RINT1: variants seen among roughly 807,000 people sequenced by gnomAD.
RINT1 encodes the protein RAD50 interactor 1, also known as RAD50-interacting protein 1.
Under a neutral mutation model 97.7 loss-of-function variants are expected in RINT1, and 75 were observed. The observed-to-expected ratio is 0.77, with a 90% CI of 0.64 to 0.93. RINT1 has a LOEUF of 0.93. RINT1 is among the 40% of genes least tolerant of loss of function. The probability of loss-of-function intolerance (pLI) is 0.00; values close to 1 mark genes in which losing one functional copy is unlikely to be tolerated. For synonymous variants in RINT1, 303 were observed against 326.3 expected, an observed-to-expected ratio of 0.93 and a Z score of 0.77; for missense variants, 892 against 925.2, an observed-to-expected ratio of 0.96 and a Z score of 0.47.
chr7:105,547,020 T>C lies in RINT1; in HGVS notation c.626T>C (p.Leu209Pro), dbSNP rs1562847287. 8 of 1,614,068 alleles carry C rather than the reference T, an allele frequency of 5.0e-6. No individual in the cohort carries two copies. The highest frequency in any genetic ancestry group is 6.8e-6 in the Non-Finnish European group (8 of 1,179,930). ...CTTCAGGAATCATCTTGTACTCATCTTCTTGGTTTCATGAGAGCCACAGTT... is the reference window on the plus strand; with the variant it reads ...CTTCAGGAATCATCTTGTACTCATCCTCTTGGTTTCATGAGAGCCACAGTT... ...IKLQESSCTH[L>P]LGFMRATVKF... The change falls in exon 5 of 15, where the codon CTT becomes CCT. Residue 209 changes from leucine to proline, a missense_variant. Coordinates refer to ENST00000257700, the MANE Select transcript of RINT1 (RefSeq NM_021930.6).
chr7:105,554,135 T>G (rs1004818883), intron 10 of RINT1, among the ~76,000 whole-genome samples: 5 of 151,834 alleles, frequency 3.3e-5, no homozygotes, highest in Non-Finnish European at 5.9e-5. Flanking sequence ...TCTGACCTCG[T>G]GATCCACCCG....
chr7:105,546,366 T>C (rs1790666810), intron 4 of RINT1, among the ~76,000 whole-genome samples: 2 of 152,082 alleles, frequency 1.3e-5, no homozygotes, highest in African/African-American at 4.8e-5. Flanking sequence ...GTCTTGAACA[T>C]AGGCTGCAGG....
intron 11 of RINT1, among the ~76,000 whole-genome samples, chr7:105,561,772 G>A (rs568452077): frequency 9.2e-4 from 140 of 152,116 alleles, no homozygotes; most frequent in Admixed American, 1.5e-3. Flanking sequence ...ATGTTGGCCA[G>A]GCTGGTCTCA....
chr7:105,565,754 T>G, intron 14 of RINT1, 106 bp downstream of exon 14: 1 of 722,058 alleles, frequency 1.4e-6, no homozygotes, highest in Non-Finnish European at 2.3e-6. Flanking sequence ...ATAAGATCAG[T>G]TGAAATTTTA....
intron 11 of RINT1, among the ~76,000 whole-genome samples, chr7:105,559,787 T>G (rs1009325300): frequency 5.9e-5 from 9 of 152,208 alleles, no homozygotes; most frequent in African/African-American, 1.9e-4. Context: ...TTTAATCATA[T>G]TCACAGTCCT....
chr7:105,537,865 GT>G (rs201034501), intron 3 of RINT1, among the ~76,000 whole-genome samples: 97 of 150,784 alleles, frequency 6.4e-4, no homozygotes, highest in Non-Finnish European at 1.0e-3. Context: ...GTATTTATAG[GT>G]TTTTTTTTCT....
At position 105,542,506 on chromosome 7, in the gene RINT1, A is replaced by G. The variant is rs941058458; in HGVS notation, c.372A>G (p.Glu124=). ...TTCTTAATCAGTTTCTGGAGCAGGAAACTCATCTCTTCAGCGCCATTAACA... is the reference window on the plus strand; with the variant it reads ...TTCTTAATCAGTTTCTGGAGCAGGAGACTCATCTCTTCAGCGCCATTAACA... ...KQFLNQFLEQ[E]THLFSAINSH... Residue 124 remains glutamate (E), a synonymous_variant, in exon 4 of 15, where the codon GAA becomes GAG. Transcript: ENST00000257700. 2 of 1,614,186 alleles carry G rather than the reference A, an allele frequency of 1.2e-6. No individual in the cohort carries two copies. The highest frequency in any genetic ancestry group is 2.7e-5 in the African/African-American group (2 of 75,060).
At chr7:105,534,120 G>A (rs1221313127) in intron 2 of RINT1, among the ~76,000 whole-genome samples, 1 of 151,914 alleles carries the variant, frequency 6.6e-6, no homozygotes, top group Non-Finnish European at 1.5e-5. Flanking sequence ...TCTCAGGCTG[G>A]AGTGCAGTGG....
chr7:105,542,348 T>G, intron 3 of RINT1, 60 bp from the exon 4 acceptor site: 1 of 1,386,384 alleles, frequency 7.2e-7, no homozygotes, highest in East Asian at 2.3e-5. Flanking sequence ...AAAAAAATTA[T>G]GAAAATTTTA....
rs1344560234 is a variant in RINT1 at position 105,565,444 on chromosome 7, A to T, written c.2054A>T (p.Tyr685Phe). Residue 685 changes from tyrosine (Y) to phenylalanine (F), a missense_variant, in exon 13 of 15, where the codon TAC becomes TTC. By Grantham distance (22) the Tyr-to-Phe change is conservative. Transcript: ENST00000257700. ...WQMLVEKLDV[Y>F]IYQEIILANH... ...ATGCTTGTAGAGAAGCTGGATGTAT[A>T]CATCTACCAAGAAGTAAGTAAGAAT... 6.2e-7 allele frequency: 1 copy of T among 1,613,968 alleles called. No individual in the cohort carries two copies. Among genetic ancestry groups the T allele is most frequent in the Admixed American group, 1.7e-5 (1 of 59,988 alleles).
intron 11 of RINT1, 111 bp from the exon 12 acceptor site, chr7:105,563,622 G>A (rs186908334): frequency 3.6e-5 from 32 of 878,372 alleles, no homozygotes; most frequent in African/African-American, 2.2e-4. Context: ...ATGAGCCACC[G>A]TGCCCGGTCG....
chr7:105,550,449 A>G lies in RINT1; in HGVS notation c.1296A>G (p.Glu432=). The change falls in exon 9 of 15, where the codon GAA becomes GAG. Residue 432 remains glutamate, a synonymous_variant. Coordinates refer to ENST00000257700, the MANE Select transcript of RINT1 (RefSeq NM_021930.6). Reference sequence around the variant, plus strand: ...GTTGTATGCATATTCTATCAGAGGAAACCTGTTTTCAGAGATGGTTGACGG... The same window carrying G: ...GTTGTATGCATATTCTATCAGAGGAGACCTGTTTTCAGAGATGGTTGACGG... ...FASCMHILSE[E]TCFQRWLTVE... 2 of 1,614,104 alleles carry G rather than the reference A, an allele frequency of 1.2e-6. No individual in the cohort carries two copies. The highest frequency in any genetic ancestry group is 1.7e-6 in the Non-Finnish European group (2 of 1,179,992).
chr7:105,547,017 A>C lies in RINT1; in HGVS notation c.623A>C (p.His208Pro). The change falls in exon 5 of 15, where the codon CAT becomes CCT. Residue 208 changes from histidine (H) to proline (P), a missense_variant. By Grantham distance (77) the His-to-Pro change is moderately conservative. Transcript: ENST00000257700. ...DIKLQESSCT[H>P]LLGFMRATVK... ...AAACTTCAGGAATCATCTTGTACTC[A>C]TCTTCTTGGTTTCATGAGAGCCACA... 1 of 1,613,982 alleles carries C rather than the reference A, an allele frequency of 6.2e-7. No individual in the cohort carries two copies.
In RINT1 at chr7:105,563,956, T is replaced by G; in HGVS notation, c.1886+9T>G. ...TTGTATAAAAAAGAAAGGTATGTCC[T>G]CTATGTAAGTCAGCTCTTAACACCA... is the stretch of plus-strand genomic sequence containing the variant. On this transcript the variant is annotated intron_variant, in intron 12 of 14. Transcript: ENST00000257700. The G allele has an allele frequency of 6.3e-7, 1 of 1,591,238 alleles. No individual in the cohort carries two copies. The highest frequency in any genetic ancestry group is 1.1e-5 in the South Asian group (1 of 90,288).
At chr7:105,550,238 C>G in intron 8 of RINT1, 23 bp from the exon 9 acceptor site, 2 of 1,609,688 alleles carry the variant, frequency 1.2e-6, no homozygotes, top group Non-Finnish European at 1.7e-6. Context: ...ATTTACATAC[C>G]TCATGTTTGT....
chr7:105,536,890 A>T (rs1283647954), intron 3 of RINT1, 141 bp downstream of exon 3: 1 of 410,530 alleles, frequency 2.4e-6, no homozygotes, highest in Admixed American at 4.4e-5. Flanking sequence ...AGGATTTAAG[A>T]ACGTACATTG....
chr7:105,533,114 C>T (rs1338891441), intron 2 of RINT1, among the ~76,000 whole-genome samples: 1 of 152,152 alleles, frequency 6.6e-6, no homozygotes, highest in Non-Finnish European at 1.5e-5. Context: ...AGAGTGTTTT[C>T]GCTGGAAGTC....
At position 105,550,283 on chromosome 7, in the gene RINT1, T is replaced by C. The variant is rs751612473; in HGVS notation, c.1130T>C (p.Met377Thr). The stretch of plus-strand genomic sequence containing the variant: ...TAGCTTGAATTTTCTCGGGGCCTTA[T>C]GATGCTGGTTCTTGAGAAGTTAGCC... Reference protein sequence around the residue: ...NARLEFSRGLMMLVLEKLATD... With the variant: ...NARLEFSRGLTMLVLEKLATD... The change falls in exon 9 of 15, where the codon ATG becomes ACG. Residue 377 changes from methionine (M) to threonine (T), a missense_variant. Met to Thr is a moderately conservative substitution (Grantham distance 81, BLOSUM62 -1). Transcript: ENST00000257700. 52 of 1,614,032 alleles carry C rather than the reference T, an allele frequency of 3.2e-5. No homozygotes were observed. Among genetic ancestry groups the C allele is most frequent in the Admixed American group, 6.7e-5 (4 of 60,004 alleles).
At chr7:105,539,825 G>C (rs886122803) in intron 3 of RINT1, among the ~76,000 whole-genome samples, 1 of 152,098 alleles carries the variant, frequency 6.6e-6, no homozygotes, top group African/African-American at 2.4e-5. Context: ...AATATAGCCT[G>C]TCTATTTTAT....
Sources: gnomAD v4.1 joint callset for allele counts (sites outside exome capture counted in the v4.1 genomes callset) on GRCh38, gnomAD v4.1.1 for gene constraint, MANE v1.5 for transcripts, NCBI Gene and HGNC (gene_info 2026-07-23, HGNC 2026-07-21) for gene names.